The following EPC1 variants were observed in gnomAD, a reference collection of about 807,000 sequenced individuals.
EPC1 encodes the protein enhancer of polycomb 1.
A neutral mutation model predicts 98.4 loss-of-function variants in EPC1; 12 were observed. The ratio of observed to expected loss-of-function variants is 0.12; its 90% CI spans 0.08 to 0.20. The LOEUF is 0.20. Among genes scored for constraint, EPC1 ranks in the 10% least tolerant of loss-of-function variants. The pLI is 1.00. For missense variants in EPC1, 729 were observed against 990.5 expected, an observed-to-expected ratio of 0.74 and a Z score of 3.54; for synonymous variants, 357 against 363.9, an observed-to-expected ratio of 0.98 and a Z score of 0.21.
chr10:32,311,950 A>G (rs1836258325), intron 1 of EPC1, among the ~76,000 whole-genome samples: 1 of 152,220 alleles, frequency 6.6e-6, no homozygotes, highest in Admixed American at 6.5e-5. Context: ...AACGTTTTTA[A>G]AAACTCATTT....
Position 32,273,183 on chromosome 10 carries a change from A to AATT in EPC1, c.1840_1842dup (p.Asn614dup), listed in dbSNP as rs767542037. 6.2e-7 allele frequency: 1 copy of AATT among 1,614,096 alleles called. No individual in the cohort carries two copies. Among genetic ancestry groups the AATT allele is most frequent in the African/African-American group, 1.3e-5 (1 of 75,032 alleles). ...CTCACCTGTGATGTGTTGGTGGAGG[A>AATT]ATTACTATTTGCTTGCTGTTGCTGA... On this transcript the variant is annotated inframe_insertion, in exon 11 of 14. Coordinates refer to ENST00000319778, the MANE Select transcript of EPC1 (RefSeq NM_001272004.3).
intron 1 of EPC1, among the ~76,000 whole-genome samples, chr10:32,369,173 A>T (rs1479154369): frequency 1.3e-5 from 2 of 152,252 alleles, no homozygotes; most frequent in Non-Finnish European, 2.9e-5. Context: ...GATCAGAAAT[A>T]TCTGGAAGAG....
intron 1 of EPC1, among the ~76,000 whole-genome samples, chr10:32,363,520 A>G (rs1839504068): frequency 6.6e-6 from 1 of 152,218 alleles, no homozygotes; most frequent in African/African-American, 2.4e-5. Flanking sequence ...GCTGTCAGTC[A>G]TTCTTTCCCT....
intron 12 of EPC1, 53 bp downstream of exon 12, chr10:32,271,973 A>G: frequency 6.3e-7 from 1 of 1,597,456 alleles, no homozygotes. Flanking sequence ...TGTTTATATT[A>G]TAGATATATG....
intron 13 of EPC1, among the ~76,000 whole-genome samples, chr10:32,269,928 G>T (rs1232195449): frequency 6.6e-6 from 1 of 152,148 alleles, no homozygotes; most frequent in Admixed American, 6.5e-5. Flanking sequence ...TACCAGTCTG[G>T]CATTTAAAGT....
intron 1 of EPC1, among the ~76,000 whole-genome samples, chr10:32,359,663 C>T (rs1163655449): frequency 6.6e-6 from 1 of 152,028 alleles, no homozygotes; most frequent in Non-Finnish European, 1.5e-5. Flanking sequence ...GATCATTTTA[C>T]TCTTCTGAGA....
chr10:32,275,699 C>T (rs1218019683), intron 10 of EPC1, among the ~76,000 whole-genome samples: 3 of 151,628 alleles, frequency 2.0e-5, no homozygotes, highest in Non-Finnish European at 2.9e-5. Context: ...GGTGTGAACC[C>T]GGGAGGCGAA....
intron 2 of EPC1, among the ~76,000 whole-genome samples, chr10:32,302,633 G>A (rs1200310106): frequency 7.9e-6 from 1 of 126,758 alleles, no homozygotes; most frequent in African/African-American, 3.0e-5. Context: ...CTGGGCAACA[G>A]AGTGAGACTC....
intron 10 of EPC1, chr10:32,283,970 G>A (rs1423713265): frequency 6.6e-6 from 1 of 152,104 alleles, no homozygotes; most frequent in Non-Finnish European, 1.5e-5. Flanking sequence ...ACCCTACAGG[G>A]TGAATTAGGG....
At chr10:32,370,479 A>G (rs1364527707) in intron 1 of EPC1, among the ~76,000 whole-genome samples, 1 of 152,204 alleles carries the variant, frequency 6.6e-6, no homozygotes, top group Admixed American at 6.5e-5. Flanking sequence ...TTATTTCCAG[A>G]TCCCATCCAG....
chr10:32,284,331 A>C (rs1836558100), intron 10 of EPC1: 2 of 175,738 alleles, frequency 1.1e-5, no homozygotes, highest in African/African-American at 4.8e-5. Flanking sequence ...ATGTTAAAGC[A>C]AACTAGGTAA....
intron 1 of EPC1, among the ~76,000 whole-genome samples, chr10:32,330,051 T>C (rs1451484218): frequency 2.6e-5 from 4 of 152,160 alleles, no homozygotes; most frequent in South Asian, 2.1e-4. Context: ...TAAAAGGACA[T>C]AGGAGCCAGA....
At chr10:32,290,542 T>TTTCA (rs962034047) in intron 6 of EPC1, among the ~76,000 whole-genome samples, 1 of 145,978 alleles carries the variant, frequency 6.9e-6, no homozygotes, top group African/African-American at 2.6e-5. Context: ...TCAGGGAGGA[T>TTTCA]TTCATGTCTT....
At chr10:32,336,481 G>A (rs1837983543) in intron 1 of EPC1, among the ~76,000 whole-genome samples, 1 of 152,160 alleles carries the variant, frequency 6.6e-6, no homozygotes, top group Non-Finnish European at 1.5e-5. Flanking sequence ...TCAAGTGAAT[G>A]CTACTGCCCA....
rs1400420846 is a variant in EPC1 at position 32,284,964 on chromosome 10, G to A, written c.1478C>T (p.Pro493Leu). The change falls in exon 10 of 14, where the codon CCA (proline) becomes CTA (leucine). Residue 493 changes from proline (P) to leucine (L), a missense_variant. Pro to Leu is a moderately conservative substitution (Grantham distance 98, BLOSUM62 -3). This residue lies in a region of EPC1 where 390 missense variants were observed against 438.6 expected (regional missense o/e 0.89). Coordinates refer to ENST00000319778, the MANE Select transcript of EPC1 (RefSeq NM_001272004.3). The part of the protein sequence containing the change: ...LEMLSSPQHS[P>L]VNQFANTSET... Reference sequence around the variant, plus strand: ...TGAGGTATTGGCAAACTGATTGACTGGAGAATGTTGTGGTGAGGAAAGCAT... The same window carrying A: ...TGAGGTATTGGCAAACTGATTGACTAGAGAATGTTGTGGTGAGGAAAGCAT... The A allele has an allele frequency of 1.2e-6, 2 of 1,614,064 alleles. No individual in the cohort carries two copies. Among genetic ancestry groups the A allele is most frequent in the East Asian group, 2.2e-5 (1 of 44,890 alleles).
intron 11 of EPC1, among the ~76,000 whole-genome samples, chr10:32,272,506 G>A (rs571760900): frequency 5.0e-4 from 76 of 152,128 alleles, no homozygotes; most frequent in Non-Finnish European, 1.0e-3. Context: ...ACATTTCAGT[G>A]ATTTGCAAAT....
intron 6 of EPC1, among the ~76,000 whole-genome samples, chr10:32,290,505 A>AAAAAAAAAAAAAAAAAAAGAAAGAAAG (rs1554819136): frequency 1.0e-4 from 8 of 77,474 alleles, no homozygotes; most frequent in African/African-American, 2.8e-4. Context: ...AAAAAAAAAA[A>AAAAAAAAAAAAAAAAAAAGAAAGAAAG]AAAGAAAGAA....
At chr10:32,291,124 C>G (rs941867897) in intron 6 of EPC1, 39 bp downstream of exon 6, 2 of 1,549,980 alleles carry the variant, frequency 1.3e-6, no homozygotes, top group Non-Finnish European at 1.8e-6. Context: ...AAAATACCAT[C>G]CCATTATTAG....
At chr10:32,298,298 C>T (rs904544243) in intron 2 of EPC1, among the ~76,000 whole-genome samples, 5 of 152,154 alleles carry the variant, frequency 3.3e-5, no homozygotes, top group Admixed American at 1.3e-4. Context: ...AGTGTGCATT[C>T]GGTGAGTATG....
Sources: allele counts gnomAD v4.1 joint callset (sites outside exome capture counted in the v4.1 genomes callset), GRCh38; gene constraint gnomAD v4.1.1; regional missense constraint gnomAD v4.1.1; transcripts MANE v1.5; gene names NCBI Gene and HGNC (gene_info 2026-07-23, HGNC 2026-07-21).